Variants in RAB30 observed in about 807,000 individuals in gnomAD.
The protein encoded by RAB30 is RAB30, member RAS oncogene family.
RAB30 carries 9 observed loss-of-function variants against 25.1 expected under a neutral mutation model. The observed-to-expected ratio is 0.36, with a 90% CI of 0.22 to 0.63. The LOEUF (loss-of-function observed/expected upper bound fraction) is 0.63. Among genes scored for constraint, RAB30 ranks in the 20% least tolerant of loss-of-function variants. The pLI is 0.69. For synonymous variants in RAB30, 77 were observed against 86.4 expected (o/e 0.89, Z 0.60); for missense variants, 140 against 243.5 (o/e 0.58, Z 2.83).
At chr11:83,036,948 T>G (rs1857999659) in intron 1 of RAB30, among the ~76,000 whole-genome samples, 2 of 152,212 alleles carry the variant, frequency 1.3e-5, no homozygotes, top group Middle Eastern at 3.2e-3. Context: ...GGAAAACACT[T>G]TGAATTTTGT....
At chr11:83,050,893 C>T (rs533329072) in intron 1 of RAB30, among the ~76,000 whole-genome samples, 25 of 152,182 alleles carry the variant, frequency 1.6e-4, no homozygotes, top group Admixed American at 5.2e-4. Context: ...GAACCGAGAT[C>T]GCATCACTGT....
chr11:83,031,516 C>G lies in RAB30; in HGVS notation c.-8-34192G>C, dbSNP rs368310880. 2.1e-5 allele frequency among the ~76,000 whole-genome samples: 3 copies of G among 143,038 alleles called. No homozygotes were observed. In the East Asian group the frequency reaches 6.4e-4, roughly 30 times the overall value. 93.8% of individuals were successfully genotyped at this position (143,038 alleles called of 152,430 possible). A position where few individuals can be genotyped will look rare whatever the true frequency, so the allele number is the denominator to read the frequency against. ...TAAGAATATTCCGTAAGTGGTTCTG[C>G]GTATTCTTTTTTTTTCTTTTTTTTT... is the stretch of plus-strand genomic sequence containing the variant. On this transcript the variant is annotated intron_variant, in intron 1 of 4. Coordinates refer to ENST00000527633, the MANE Select transcript of RAB30 (RefSeq NM_001286060.2).
At chr11:83,006,963 T>C (rs1169171889) in intron 1 of RAB30, among the ~76,000 whole-genome samples, 3 of 152,218 alleles carry the variant, frequency 2.0e-5, no homozygotes, top group Admixed American at 6.5e-5. Flanking sequence ...GCTTGTGTCA[T>C]GAATAAAAAC....
At chr11:82,994,362 G>C (rs959199813) in intron 2 of RAB30, among the ~76,000 whole-genome samples, 6 of 152,108 alleles carry the variant, frequency 3.9e-5, no homozygotes, top group South Asian at 2.1e-4. Context: ...GAAAGAGACA[G>C]GAGGACAGAG....
At chr11:83,068,345 C>G (rs1439127406) in intron 1 of RAB30, among the ~76,000 whole-genome samples, 1 of 151,844 alleles carries the variant, frequency 6.6e-6, no homozygotes, top group Admixed American at 6.6e-5. Flanking sequence ...CCCTCTGTCA[C>G]CACCCTAGAT....
chr11:83,043,734 T>A (rs1858179317), intron 1 of RAB30, among the ~76,000 whole-genome samples: 1 of 152,208 alleles, frequency 6.6e-6, no homozygotes, highest in South Asian at 2.1e-4. Context: ...TTGGTTGTCC[T>A]TTGTATTAAT....
At chr11:82,987,457 C>G in intron 4 of RAB30, 130 bp downstream of exon 4, 2 of 887,122 alleles carry the variant, frequency 2.3e-6, no homozygotes, top group Admixed American at 6.1e-5. Context: ...TGCAGAAGAA[C>G]TGAAGGTTGA....
intron 1 of RAB30, chr11:83,040,675 T>C (rs2121515162): frequency 6.6e-6 from 1 of 152,572 alleles, no homozygotes; most frequent in Admixed American, 6.5e-5. Flanking sequence ...AACTTGGCAT[T>C]GAAAAGGACA....
rs146340662 is a variant in RAB30, at chr11:82,986,093, T to G, written c.361+1494A>C. Among the ~76,000 whole-genome samples the G allele has an allele frequency of 2.0e-3, 299 of 152,336 alleles. 1 individual carries two copies. The highest frequency in any genetic ancestry group is 7.1e-3 in the African/African-American group (295 of 41,568). ...GTTTTTAAGGATACTAAGGAATTGT[T>G]AACATATTTTAGGTGTAAAAATGCC... On this transcript the variant is annotated intron_variant, in intron 4 of 4. Transcript: ENST00000527633.
intron 1 of RAB30, among the ~76,000 whole-genome samples, chr11:83,038,092 G>T (rs79360146): frequency 0.024 from 3,656 of 152,226 alleles, 146 homozygotes; most frequent in African/African-American, 0.084. Flanking sequence ...GTTAGAGAGA[G>T]AATTCAGTAA....
At chr11:83,007,282 T>C (rs1386487704) in intron 1 of RAB30, among the ~76,000 whole-genome samples, 1 of 152,046 alleles carries the variant, frequency 6.6e-6, no homozygotes, top group Non-Finnish European at 1.5e-5. Flanking sequence ...ATGCCATGGA[T>C]TGGGGGTGGA....
At chr11:83,022,621 C>T (rs1333697516) in intron 1 of RAB30, among the ~76,000 whole-genome samples, 1 of 151,662 alleles carries the variant, frequency 6.6e-6, no homozygotes, top group African/African-American at 2.4e-5. Flanking sequence ...AATAAGTATC[C>T]TTTATTTTAT....
At chr11:83,014,691 AAAGAGAAAGG>A (rs1565277253) in intron 1 of RAB30, among the ~76,000 whole-genome samples, 3 of 148,390 alleles carry the variant, frequency 2.0e-5, no homozygotes, top group Non-Finnish European at 3.0e-5. Context: ...AGAAAGAAAG[AAAGAGAAAGG>A]AAGGAAGGAA....
rs1400675388 is a variant in RAB30, at chr11:82,982,146, C to G, written c.*19G>C. On this transcript the variant is annotated 3_prime_UTR_variant, in exon 5 of 5. Transcript: ENST00000527633. ...ATCAGGGCAGTTGCTGATTCCTTTT[C>G]TTCTCCGTGCCTCAGCCTTTAGTTG... is the stretch of plus-strand genomic sequence containing the variant. The G allele has an allele frequency of 6.8e-6, 11 of 1,613,460 alleles. No individual in the cohort carries two copies. Among genetic ancestry groups the G allele is most frequent in the Non-Finnish European group, 9.3e-6 (11 of 1,179,568 alleles).
chr11:83,016,576 C>A (rs997384393), intron 1 of RAB30, among the ~76,000 whole-genome samples: 3 of 152,126 alleles, frequency 2.0e-5, no homozygotes, highest in African/African-American at 2.4e-5. Context: ...ATCTATAAGA[C>A]TTAATCTTAA....
intron 1 of RAB30, among the ~76,000 whole-genome samples, chr11:83,013,010 ACT>A (rs1484959505): frequency 2.6e-5 from 4 of 151,810 alleles, no homozygotes; most frequent in Non-Finnish European, 5.9e-5. Context: ...TGAATTGGTC[ACT>A]CTCTACTTTG....
chr11:83,071,786 C>T lies in RAB30; in HGVS notation c.-104G>A, dbSNP rs536806544. On this transcript the variant is annotated 5_prime_UTR_variant, in exon 1 of 5. Transcript: ENST00000527633. ...GGGAAGGTCTGCGATGTCCTGAGTC[C>T]AAGGGCTGGAGTCAGTCCCTGCCCT... 26 of 309,276 alleles carry T rather than the reference C, an allele frequency of 8.4e-5. No homozygotes were observed. The highest frequency in any genetic ancestry group is 8.7e-4 in the Middle Eastern group (1 of 1,156). 19.2% of individuals were successfully genotyped at this position (309,276 alleles called of 1,614,324 possible).
intron 1 of RAB30, among the ~76,000 whole-genome samples, chr11:83,050,313 G>T (rs980443945): frequency 6.6e-6 from 1 of 151,684 alleles, no homozygotes; most frequent in Non-Finnish European, 1.5e-5. Context: ...TCATTTGTTT[G>T]CATGATTGTC....
intron 1 of RAB30, among the ~76,000 whole-genome samples, chr11:83,068,043 T>C (rs1858745981): frequency 6.6e-6 from 1 of 151,214 alleles, no homozygotes; most frequent in African/African-American, 2.4e-5. Flanking sequence ...GAGAATCGCT[T>C]GAATCCAGAG....
Sources: gnomAD v4.1 joint callset for allele counts (sites outside exome capture counted in the v4.1 genomes callset) on GRCh38, gnomAD v4.1.1 for gene constraint, MANE v1.5 for transcripts, NCBI Gene and HGNC (gene_info 2026-07-23, HGNC 2026-07-21) for gene names.